The following CCDC63 variants were observed in gnomAD, a reference collection of about 807,000 sequenced individuals.
CCDC63 encodes the protein coiled-coil domain containing 63.
A neutral mutation model predicts 63.6 loss-of-function variants in CCDC63; 54 were observed. The ratio of observed to expected loss-of-function variants is 0.85; its 90% CI spans 0.68 to 1.07. The LOEUF (loss-of-function observed/expected upper bound fraction) is 1.07, where lower values mean the gene tolerates loss of function less well. Ranked by LOEUF, CCDC63 falls within the 50% of genes least tolerant of loss-of-function variation. CCDC63 has a pLI of 0.00. For synonymous variants in CCDC63, 253 were observed against 266.1 expected, an observed-to-expected ratio of 0.95 and a Z score of 0.48; for missense variants, 637 against 689.6, an observed-to-expected ratio of 0.92 and a Z score of 0.86.
At chr12:110,868,058 C>G (rs1223789293) in intron 4 of CCDC63, among the ~76,000 whole-genome samples, 2,466 of 135,448 alleles carry the variant, frequency 0.018, no homozygotes, top group South Asian at 0.031. Flanking sequence ...CAGACGGGGT[C>G]TCGGCCGGGC....
At chr12:110,867,444 G>A (rs2070979605) in intron 4 of CCDC63, among the ~76,000 whole-genome samples, 2 of 113,022 alleles carry the variant, frequency 1.8e-5, no homozygotes, top group Non-Finnish European at 3.7e-5. Context: ...TGGCCGGGCT[G>A]AGGGGCTCCT....
At chr12:110,870,569 A>G (rs1593661633) in intron 4 of CCDC63, among the ~76,000 whole-genome samples, 1 of 152,082 alleles carries the variant, frequency 6.6e-6, no homozygotes, top group South Asian at 2.1e-4. Flanking sequence ...CCTGCACCCC[A>G]AGAGGATGCA....
chr12:110,880,127 G>T (rs1397623421), intron 6 of CCDC63, 40 bp downstream of exon 6: 2 of 1,575,020 alleles, frequency 1.3e-6, no homozygotes, highest in Non-Finnish European at 1.7e-6. Context: ...AGGTCTCTTA[G>T]CCCCTTGCTG....
rs762165517 is a variant in CCDC63, at chr12:110,852,935, C to T, written c.-20C>T. ...TCTGGGTACAGTGTCTGAGTGGAGG[C>T]AAAGTGCGGTTCCTTCAAGATGTCT... On this transcript the variant is annotated 5_prime_UTR_variant, in exon 2 of 12. Coordinates refer to ENST00000308208, the MANE Select transcript of CCDC63 (RefSeq NM_152591.3). 3 of 1,614,006 alleles carry T rather than the reference C, an allele frequency of 1.9e-6. No individual in the cohort carries two copies. Among genetic ancestry groups the T allele is most frequent in the Non-Finnish European group, 2.5e-6 (3 of 1,180,038 alleles).
rs1371484356 is a variant in CCDC63 at position 110,881,312 on chromosome 12, G to A, written c.853+16G>A. 6.2e-7 allele frequency: 1 copy of A among 1,607,058 alleles called. No individual in the cohort carries two copies. Among genetic ancestry groups the A allele is most frequent in the South Asian group, 1.1e-5 (1 of 89,936 alleles). ...AGGGAGGAAGGTACACCCTCCAGGA[G>A]CAAGCTTGTGCTCTCTCACTCTCTT... On this transcript the variant is annotated intron_variant, in intron 7 of 11. Coordinates refer to ENST00000308208, the MANE Select transcript of CCDC63 (RefSeq NM_152591.3).
At chr12:110,870,523 C>T (rs1566123965) in intron 4 of CCDC63, among the ~76,000 whole-genome samples, 1 of 152,208 alleles carries the variant, frequency 6.6e-6, no homozygotes, top group East Asian at 1.9e-4. Flanking sequence ...AGTGTTGTTT[C>T]ATCTGCTTTA....
intron 4 of CCDC63, among the ~76,000 whole-genome samples, chr12:110,867,249 C>G (rs1352971040): frequency 3.9e-5 from 4 of 103,358 alleles, no homozygotes; most frequent in African/African-American, 7.6e-5. Flanking sequence ...CCCTCCCGGA[C>G]GGGGCGGCTG....
At chr12:110,888,818 C>T (rs1007377059) in intron 8 of CCDC63, among the ~76,000 whole-genome samples, 1 of 135,160 alleles carries the variant, frequency 7.4e-6, no homozygotes, top group African/African-American at 3.3e-5. Context: ...TCCTTCCTTC[C>T]TTCCTTCCTT....
intron 10 of CCDC63, among the ~76,000 whole-genome samples, chr12:110,902,542 GT>G (rs1466618935): frequency 6.6e-6 from 1 of 151,744 alleles, no homozygotes; most frequent in Non-Finnish European, 1.5e-5. Flanking sequence ...AAGCTGCCCT[GT>G]CCCCACCCAT....
chr12:110,880,725 T>A (rs201714385), intron 6 of CCDC63, among the ~76,000 whole-genome samples: 12 of 284 alleles, frequency 0.042, 1 homozygote, highest in African/African-American at 0.097. Flanking sequence ...TGATGATGGT[T>A]ATAGTGATGG....
At position 110,858,506 on chromosome 12, in the gene CCDC63, T is replaced by C; in HGVS notation, c.180-80T>C. The stretch of plus-strand genomic sequence containing the variant: ...GGAAATTCCTCTCTCCCGGTCTCCT[T>C]GCAGGGCTGATGTGCCTGGAGTGCT... On this transcript the variant is annotated intron_variant, in intron 3 of 11. Coordinates refer to ENST00000308208, the MANE Select transcript of CCDC63 (RefSeq NM_152591.3). 3.1e-6 allele frequency: 4 copies of C among 1,302,612 alleles called. No homozygotes were observed. In the South Asian group the frequency reaches 5.7e-5, roughly 19 times the overall value. The allele number at this position is 1,302,612 out of a possible 1,614,324, so 80.7% of individuals were successfully genotyped here. A position where few individuals can be genotyped will look rare whatever the true frequency, so the allele number is the denominator to read the frequency against.
At chr12:110,891,892 C>G (rs1420082285) in intron 8 of CCDC63, among the ~76,000 whole-genome samples, 4 of 152,154 alleles carry the variant, frequency 2.6e-5, no homozygotes, top group African/African-American at 9.7e-5. Context: ...CTTTGCCGAC[C>G]TGTTCTGTTA....
At chr12:110,856,061 C>T (rs2070765544) in intron 3 of CCDC63, among the ~76,000 whole-genome samples, 1 of 151,872 alleles carries the variant, frequency 6.6e-6, no homozygotes, top group African/African-American at 2.4e-5. Flanking sequence ...TTTTACCAAC[C>T]CTCTCTGAAA....
At chr12:110,898,361 G>C (rs924463108) in intron 9 of CCDC63, among the ~76,000 whole-genome samples, 4 of 151,484 alleles carry the variant, frequency 2.6e-5, no homozygotes, top group Non-Finnish European at 4.4e-5. Flanking sequence ...GGTGGCTCAT[G>C]CCTGTAATCT....
rs1358916001 is a variant in CCDC63, at chr12:110,879,738, C to T, written c.490-168C>T. Among the ~76,000 whole-genome samples, 5 of 152,182 alleles carry T rather than the reference C, an allele frequency of 3.3e-5. No homozygotes were observed. The East Asian group carries it at 7.7e-4, about 23-fold the overall frequency. On this transcript the variant is annotated intron_variant, in intron 5 of 11. Transcript: ENST00000308208. ...GGGCCCTTAGCCAGTTGGTGGGCCA[C>T]TCAACTGGCTCCAACCAGTTGAGCC... is the stretch of plus-strand genomic sequence containing the variant.
At position 110,855,468 on chromosome 12, in the gene CCDC63, C is replaced by T. The variant is rs1008068588; in HGVS notation, c.179+1894C>T. 2.7e-4 allele frequency among the ~76,000 whole-genome samples: 41 copies of T among 152,212 alleles called. 1 individual carries two copies. The highest frequency in any genetic ancestry group is 2.9e-5 in the Non-Finnish European group (2 of 68,048). ...ATTTAACCCTTCTTCACCCCAACAGCACCCCACACACAGGCTTCTGGCTCT... is the reference window on the plus strand; with the variant it reads ...ATTTAACCCTTCTTCACCCCAACAGTACCCCACACACAGGCTTCTGGCTCT... On this transcript the variant is annotated intron_variant, in intron 3 of 11. Coordinates refer to ENST00000308208, the MANE Select transcript of CCDC63 (RefSeq NM_152591.3).
At chr12:110,862,074 G>A (rs2070861368) in intron 4 of CCDC63, among the ~76,000 whole-genome samples, 2 of 152,174 alleles carry the variant, frequency 1.3e-5, no homozygotes, top group Non-Finnish European at 2.9e-5. Context: ...CTGCTGTCTG[G>A]CACCAGAGCA....
chr12:110,883,900 A>G (rs2071241958), intron 7 of CCDC63, 130 bp from the exon 8 acceptor site: 4 of 751,034 alleles, frequency 5.3e-6, no homozygotes, highest in Admixed American at 2.1e-5. Flanking sequence ...TCGGCTTCCC[A>G]AAGTGTTGGG....
intron 4 of CCDC63, among the ~76,000 whole-genome samples, chr12:110,872,022 A>G (rs1462326932): frequency 6.6e-6 from 1 of 152,224 alleles, no homozygotes; most frequent in Non-Finnish European, 1.5e-5. Context: ...TTTAAAATCA[A>G]TATGATGCCT....
Sources: allele counts gnomAD v4.1 joint callset (sites outside exome capture counted in the v4.1 genomes callset), GRCh38; gene constraint gnomAD v4.1.1; transcripts MANE v1.5; gene names NCBI Gene and HGNC (gene_info 2026-07-23, HGNC 2026-07-21).